The following MACROH2A1 variants were observed in gnomAD, a reference collection of about 807,000 sequenced individuals.
MACROH2A1 encodes the protein core histone macro-H2A.1.
A neutral mutation model predicts 31.6 loss-of-function variants in MACROH2A1; 2 were observed. The ratio of observed to expected loss-of-function variants is 0.06; its 90% CI spans 0.03 to 0.20. The LOEUF (loss-of-function observed/expected upper bound fraction) is 0.20. MACROH2A1 is among the 10% of genes least tolerant of loss of function. The pLI, the probability that MACROH2A1 is intolerant of heterozygous loss-of-function variation, is 1.00. For missense variants in MACROH2A1, 230 were observed against 474.0 expected (o/e 0.49, Z 4.78); for synonymous variants, 169 against 189.6 (o/e 0.89, Z 0.89).
At chr5:135,388,858 G>T in intron 2 of MACROH2A1, 64 bp downstream of exon 2, 1 of 1,348,414 alleles carries the variant, frequency 7.4e-7, no homozygotes, top group Non-Finnish European at 1.0e-6. Context: ...AGTGGTCTTT[G>T]GAGAACTATG....
intron 8 of MACROH2A1, among the ~76,000 whole-genome samples, chr5:135,339,869 C>A (rs1454967558): frequency 6.6e-6 from 1 of 152,192 alleles, no homozygotes; most frequent in African/African-American, 2.4e-5. Flanking sequence ...GGGGATGGGG[C>A]AGCCCCAAAG....
At chr5:135,357,431 G>A (rs1561601321) in intron 5 of MACROH2A1, 1 of 152,202 alleles carries the variant, frequency 6.6e-6, no homozygotes, top group East Asian at 1.9e-4. Flanking sequence ...GTGGATCAAA[G>A]GGAGAAAACC....
In MACROH2A1 at chr5:135,370,083, G is replaced by C. The variant is rs766369722; in HGVS notation, c.232C>G (p.Pro78Ala). 1 of 1,613,898 alleles carries C rather than the reference G, an allele frequency of 6.2e-7. No homozygotes were observed. The highest frequency in any genetic ancestry group is 8.5e-7 in the Non-Finnish European group (1 of 1,179,830). ...GCCACAGCCAGCAGGATGTGCCGGG[G>C]TGTGACCCGTCCCTTCTTGTTGTCT... ...ARDNKKGRVTPRHILLAVAND... is the reference protein window; with the variant it reads ...ARDNKKGRVTARHILLAVAND... Residue 78 changes from proline to alanine, a missense_variant, in exon 3 of 9, where the codon CCC (proline) becomes GCC (alanine). Physicochemically the swap from Pro to Ala is conservative, Grantham distance 27. Transcript: ENST00000511689.
intron 8 of MACROH2A1, among the ~76,000 whole-genome samples, chr5:135,338,241 TAG>T (rs1228361930): frequency 2.8e-4 from 42 of 152,010 alleles, no homozygotes; most frequent in Non-Finnish European, 2.9e-5. Flanking sequence ...CCCTCCAGGG[TAG>T]AGAAGCAGAG....
chr5:135,369,064 C>G lies in MACROH2A1; in HGVS notation c.477+342G>C, dbSNP rs1763865428. Among the ~76,000 whole-genome samples, 1 of 152,242 alleles carries G rather than the reference C, an allele frequency of 6.6e-6. No homozygotes were observed. The highest frequency in any genetic ancestry group is 1.5e-5 in the Non-Finnish European group (1 of 68,032). On this transcript the variant is annotated intron_variant, in intron 4 of 8. Transcript: ENST00000511689. The surrounding 1 kb of genome is among the most constrained non-coding windows in gnomAD (Gnocchi z 4.3). ...CACAGGACTAGACAGTGGCTGTCCC[C>G]TAACACAGGGAAGCCCCCTTCCCAC...
chr5:135,388,390 C>T (rs1348829079), intron 2 of MACROH2A1, among the ~76,000 whole-genome samples: 2 of 152,198 alleles, frequency 1.3e-5, no homozygotes, highest in Non-Finnish European at 2.9e-5. Flanking sequence ...TCTCTGATGC[C>T]ATTCTCCTAA....
At chr5:135,374,956 CAGTCTA>C (rs1235231076) in intron 2 of MACROH2A1, among the ~76,000 whole-genome samples, 2 of 152,324 alleles carry the variant, frequency 1.3e-5, no homozygotes, top group African/African-American at 4.8e-5. Flanking sequence ...CAGTCGGTGA[CAGTCTA>C]AGTTTTGTTA....
intron 4 of MACROH2A1, among the ~76,000 whole-genome samples, chr5:135,366,767 T>A (rs1056316801): frequency 2.6e-5 from 4 of 152,206 alleles, no homozygotes; most frequent in Non-Finnish European, 5.9e-5. Flanking sequence ...AACTCATACA[T>A]GTGCCCTACT....
intron 8 of MACROH2A1, chr5:135,338,102 A>C: frequency 5.7e-6 from 4 of 702,280 alleles, no homozygotes; most frequent in Non-Finnish European, 7.4e-6. Context: ...GTGTAGGTGG[A>C]TGCCCTGCAA....
chr5:135,393,604 T>C (rs368525660), intron 1 of MACROH2A1, among the ~76,000 whole-genome samples: 83 of 152,368 alleles, frequency 5.4e-4, no homozygotes, highest in African/African-American at 1.9e-3. Context: ...AGAACAGCTA[T>C]ACTATCTGGT....
intron 1 of MACROH2A1, among the ~76,000 whole-genome samples, chr5:135,391,871 C>T (rs1040455834): frequency 3.9e-5 from 6 of 152,208 alleles, no homozygotes; most frequent in Non-Finnish European, 7.3e-5. Context: ...TATTCTCAAC[C>T]GCACCAGTCT....
intron 8 of MACROH2A1, among the ~76,000 whole-genome samples, chr5:135,336,638 TA>T (rs11360306): frequency 0.1 from 14,178 of 137,912 alleles, 1,269 homozygotes; most frequent in African/African-American, 0.33. Context: ...CTGGTGATTC[TA>T]GACTAGACTA....
At chr5:135,386,153 T>C (rs963699605) in intron 2 of MACROH2A1, among the ~76,000 whole-genome samples, 5 of 152,332 alleles carry the variant, frequency 3.3e-5, no homozygotes, top group Admixed American at 2.6e-4. Context: ...GGCTAAGGGC[T>C]GGTCACCTTC....
intron 5 of MACROH2A1, chr5:135,359,560 A>G (rs1762580930): frequency 2.0e-6 from 2 of 984,824 alleles, no homozygotes; most frequent in Middle Eastern, 1.0e-3. Context: ...AGAGAGTGCA[A>G]TTAGTGACAG....
At chr5:135,389,369 C>T in intron 1 of MACROH2A1, 1 of 306,770 alleles carries the variant, frequency 3.3e-6, no homozygotes, top group Non-Finnish European at 6.0e-6. Flanking sequence ...TGCCATTATG[C>T]CACATGATGA....
intron 5 of MACROH2A1, chr5:135,354,996 AAAC>A (rs1762001298): frequency 2.2e-6 from 1 of 445,000 alleles, no homozygotes; most frequent in Non-Finnish European, 4.5e-6. Flanking sequence ...CCTATGTTTA[AAAC>A]AATACATGTT....
intron 1 of MACROH2A1, among the ~76,000 whole-genome samples, chr5:135,390,933 G>A (rs559256376): frequency 2.6e-5 from 4 of 152,318 alleles, no homozygotes; most frequent in Admixed American, 2.6e-4. Context: ...AGAGGCCCTG[G>A]CTCTGGAGTG....
intron 6 of MACROH2A1, chr5:135,351,022 A>G (rs951231131): frequency 7.1e-6 from 5 of 705,410 alleles, no homozygotes; most frequent in African/African-American, 5.2e-5. Flanking sequence ...CGATTCCAAC[A>G]TATGAGCCCA....
intron 4 of MACROH2A1, among the ~76,000 whole-genome samples, chr5:135,367,757 T>C (rs1191686056): frequency 6.6e-6 from 1 of 152,202 alleles, no homozygotes; most frequent in Admixed American, 6.5e-5. Context: ...AGGGCCCTGC[T>C]CTGTGGGCAG....
Sources: gnomAD v4.1 joint callset for allele counts (sites outside exome capture counted in the v4.1 genomes callset) on GRCh38, gnomAD v4.1.1 for gene constraint, Gnocchi (gnomAD v3.1) non-coding constraint, MANE v1.5 for transcripts, NCBI Gene and HGNC (gene_info 2026-07-23, HGNC 2026-07-21) for gene names.